GALNTL6: variants seen among roughly 807,000 people sequenced by gnomAD.
The protein encoded by GALNTL6 is polypeptide N-acetylgalactosaminyltransferase like 6, also known as polypeptide N-acetylgalactosaminyltransferase-like 6.
In GALNTL6, 46 loss-of-function variants were observed where a neutral mutation model predicts 73.7. That is an observed-to-expected ratio of 0.62 (90% confidence interval 0.49 to 0.80). The LOEUF (loss-of-function observed/expected upper bound fraction) is 0.80. Ranked by LOEUF, GALNTL6 falls within the 30% of genes least tolerant of loss-of-function variation. The pLI, the probability that GALNTL6 is intolerant of heterozygous loss-of-function variation, is 0.00. For synonymous variants in GALNTL6, 259 were observed against 263.7 expected, an observed-to-expected ratio of 0.98 and a Z score of 0.17; for missense variants, 604 against 755.0, an observed-to-expected ratio of 0.80 and a Z score of 2.34.
chr4:172,195,749 A>C (rs2110888966), intron 2 of GALNTL6, among the ~76,000 whole-genome samples: 1 of 152,336 alleles, frequency 6.6e-6, no homozygotes, highest in Admixed American at 6.5e-5. Flanking sequence ...ATTAGAACAA[A>C]GAAACAACAT....
At chr4:172,379,855 G>A (rs890134574) in intron 5 of GALNTL6, among the ~76,000 whole-genome samples, 6 of 152,110 alleles carry the variant, frequency 3.9e-5, no homozygotes, top group African/African-American at 1.4e-4. Flanking sequence ...CTTTTTGACA[G>A]TGAATCAGAA....
chr4:172,180,254 G>A (rs906331433), intron 2 of GALNTL6, among the ~76,000 whole-genome samples: 1 of 152,124 alleles, frequency 6.6e-6, no homozygotes, highest in Non-Finnish European at 1.5e-5. Flanking sequence ...CTTTTGAACA[G>A]TGTCTGTTCA....
At chr4:172,350,136 G>A (rs1741892431) in intron 5 of GALNTL6, among the ~76,000 whole-genome samples, 1 of 152,126 alleles carries the variant, frequency 6.6e-6, no homozygotes. Context: ...ATCTGAGGCT[G>A]CAGATTGCCA....
At chr4:172,880,866 A>G (rs983874906) in intron 7 of GALNTL6, among the ~76,000 whole-genome samples, 1 of 152,162 alleles carries the variant, frequency 6.6e-6, no homozygotes, top group Non-Finnish European at 1.5e-5. Flanking sequence ...GATACACTGC[A>G]TGGGTTTTGT....
intron 5 of GALNTL6, among the ~76,000 whole-genome samples, chr4:172,628,957 A>G (rs1022239617): frequency 2.0e-5 from 3 of 152,162 alleles, no homozygotes; most frequent in Non-Finnish European, 4.4e-5. Context: ...TGGAGTGCAC[A>G]CGATAATTTT....
At chr4:171,861,707 A>G (rs1241079833) in intron 2 of GALNTL6, among the ~76,000 whole-genome samples, 4 of 152,172 alleles carry the variant, frequency 2.6e-5, no homozygotes, top group Non-Finnish European at 4.4e-5. Context: ...TACAACTTTC[A>G]TAGGTATTTC....
intron 2 of GALNTL6, among the ~76,000 whole-genome samples, chr4:171,823,333 G>A (rs1423483896): frequency 6.6e-6 from 1 of 152,070 alleles, no homozygotes; most frequent in Non-Finnish European, 1.5e-5. Context: ...CTGATGCCCT[G>A]AGAGATTGAG....
At chr4:172,277,486 AAAAC>A (rs946336706) in intron 3 of GALNTL6, among the ~76,000 whole-genome samples, 3 of 152,206 alleles carry the variant, frequency 2.0e-5, no homozygotes, top group African/African-American at 7.2e-5. Flanking sequence ...CAATAAATGA[AAAAC>A]AAACCGTGGA....
At chr4:172,891,302 C>T (rs1355265380) in intron 8 of GALNTL6, among the ~76,000 whole-genome samples, 1 of 151,916 alleles carries the variant, frequency 6.6e-6, no homozygotes, top group Non-Finnish European at 1.5e-5. Flanking sequence ...TATCTGGTAT[C>T]GATTTTTCAT....
At chr4:171,964,667 A>G (rs1560861947) in intron 2 of GALNTL6, among the ~76,000 whole-genome samples, 1 of 152,212 alleles carries the variant, frequency 6.6e-6, no homozygotes, top group Non-Finnish European at 1.5e-5. Flanking sequence ...TTCTCTAAGA[A>G]CACTTTAACT....
At chr4:172,326,721 T>C (rs1248737229) in intron 4 of GALNTL6, among the ~76,000 whole-genome samples, 1 of 151,948 alleles carries the variant, frequency 6.6e-6, no homozygotes, top group Admixed American at 6.6e-5. Flanking sequence ...TAATATAGCT[T>C]CTCTATTTGT....
chr4:172,333,256 T>A (rs1461394865), intron 4 of GALNTL6, among the ~76,000 whole-genome samples: 2 of 151,938 alleles, frequency 1.3e-5, no homozygotes, highest in Non-Finnish European at 2.9e-5. Flanking sequence ...AAATACAAAA[T>A]TAGCCAGGCA....
intron 2 of GALNTL6, among the ~76,000 whole-genome samples, chr4:172,215,535 C>A (rs185862682): frequency 4.9e-4 from 74 of 152,210 alleles, no homozygotes; most frequent in African/African-American, 1.8e-3. Flanking sequence ...TTAGCTACTT[C>A]ATTTTTCTTT....
intron 5 of GALNTL6, chr4:172,668,083 A>C (rs1731767562): frequency 6.6e-6 from 1 of 152,194 alleles, no homozygotes; most frequent in African/African-American, 2.4e-5. Flanking sequence ...GGAGAGTTTG[A>C]GAAGGTATAT....
intron 5 of GALNTL6, among the ~76,000 whole-genome samples, chr4:172,703,774 G>A (rs1159117748): frequency 1.3e-5 from 2 of 152,074 alleles, no homozygotes; most frequent in East Asian, 3.9e-4. Flanking sequence ...ATTGGTATTA[G>A]TTCTTCTTTA....
At chr4:172,141,560 A>G (rs1219930455) in intron 2 of GALNTL6, among the ~76,000 whole-genome samples, 1 of 151,960 alleles carries the variant, frequency 6.6e-6, no homozygotes, top group African/African-American at 2.4e-5. Context: ...CTGTTGAACT[A>G]AGTAACTAAG....
At chr4:171,836,594 T>C (rs1451819013) in intron 2 of GALNTL6, among the ~76,000 whole-genome samples, 2 of 152,128 alleles carry the variant, frequency 1.3e-5, no homozygotes, top group Non-Finnish European at 2.9e-5. Flanking sequence ...AAATATGATA[T>C]GATTGTATTA....
At chr4:171,833,471 G>A (rs1280777354) in intron 2 of GALNTL6, among the ~76,000 whole-genome samples, 1 of 151,528 alleles carries the variant, frequency 6.6e-6, no homozygotes, top group East Asian at 1.9e-4. Flanking sequence ...CAAAATACCT[G>A]GCTAAAATCT....
At chr4:171,925,112 T>C (rs1364826342) in intron 2 of GALNTL6, among the ~76,000 whole-genome samples, 1 of 152,090 alleles carries the variant, frequency 6.6e-6, no homozygotes, top group Non-Finnish European at 1.5e-5. Context: ...GGAGCAAATG[T>C]ATTGATGCAC....
Sources: gnomAD v4.1 joint callset for allele counts (sites outside exome capture counted in the v4.1 genomes callset) on GRCh38, gnomAD v4.1.1 for gene constraint, MANE v1.5 for transcripts, NCBI Gene and HGNC (gene_info 2026-07-23, HGNC 2026-07-21) for gene names.